Variants in NSUN6 observed in about 807,000 individuals in gnomAD.
The protein encoded by NSUN6 is tRNA (cytosine(72)-C(5))-methyltransferase NSUN6.
A neutral mutation model predicts 58.0 loss-of-function variants in NSUN6; 64 were observed. The ratio of observed to expected loss-of-function variants is 1.10; its 90% CI spans 0.90 to 1.36. NSUN6 has a LOEUF of 1.36. Ranked by LOEUF, NSUN6 falls within the 40% of genes most tolerant of loss-of-function variation. The probability of loss-of-function intolerance (pLI) is 0.00; values close to 1 mark genes in which losing one functional copy is unlikely to be tolerated. For missense variants in NSUN6, 701 were observed against 550.1 expected, an observed-to-expected ratio of 1.27 and a Z score of -2.74; for synonymous variants, 231 against 193.9, an observed-to-expected ratio of 1.19 and a Z score of -1.59.
chr10:18,638,081 A>T (rs1211705626), intron 3 of NSUN6, among the ~76,000 whole-genome samples: 1 of 152,236 alleles, frequency 6.6e-6, no homozygotes, highest in Non-Finnish European at 1.5e-5. Flanking sequence ...GAAAAACCTA[A>T]GTGAACTATC....
At chr10:18,619,955 T>G (rs1283666574) in intron 3 of NSUN6, among the ~76,000 whole-genome samples, 1 of 151,818 alleles carries the variant, frequency 6.6e-6, no homozygotes, top group Non-Finnish European at 1.5e-5. Flanking sequence ...AAACATCCCT[T>G]TTTTTTTAAA....
chr10:18,594,908 A>G (rs1239426304), intron 7 of NSUN6, among the ~76,000 whole-genome samples: 1 of 152,192 alleles, frequency 6.6e-6, no homozygotes, highest in African/African-American at 2.4e-5. Flanking sequence ...TCATGTAAGC[A>G]GAGGTTTTTT....
chr10:18,582,989 T>C (rs1282446899), intron 8 of NSUN6, among the ~76,000 whole-genome samples: 1 of 152,214 alleles, frequency 6.6e-6, no homozygotes, highest in Non-Finnish European at 1.5e-5. Context: ...TTATAACCCC[T>C]GTGACCTGCA....
intron 8 of NSUN6, among the ~76,000 whole-genome samples, chr10:18,578,510 T>G (rs2056766491): frequency 6.6e-6 from 1 of 152,126 alleles, no homozygotes; most frequent in Non-Finnish European, 1.5e-5. Context: ...TTTCTCTGGC[T>G]CAGGGGAAAG....
intron 8 of NSUN6, among the ~76,000 whole-genome samples, chr10:18,584,304 T>C (rs1183677676): frequency 6.6e-6 from 1 of 152,196 alleles, no homozygotes; most frequent in Non-Finnish European, 1.5e-5. Context: ...CCCCTTACCT[T>C]ATAAAAGTTT....
At chr10:18,644,775 G>C (rs894744128) in intron 2 of NSUN6, among the ~76,000 whole-genome samples, 6 of 151,368 alleles carry the variant, frequency 4.0e-5, no homozygotes, top group African/African-American at 1.2e-4. Context: ...AGGAGGTGGA[G>C]CTTGCAGTGA....
At chr10:18,621,701 T>C (rs528429692) in intron 3 of NSUN6, among the ~76,000 whole-genome samples, 24 of 152,214 alleles carry the variant, frequency 1.6e-4, no homozygotes, top group African/African-American at 4.6e-4. Flanking sequence ...TACACCTAGA[T>C]TGAGAGAAAA....
chr10:18,585,807 T>C (rs532257569), intron 8 of NSUN6, 142 bp downstream of exon 8: 16 of 481,992 alleles, frequency 3.3e-5, no homozygotes, highest in African/African-American at 4.9e-5. Context: ...ACCACAAGGA[T>C]AAGTACAGTG....
At chr10:18,618,243 A>G (rs558347341) in intron 3 of NSUN6, among the ~76,000 whole-genome samples, 13 of 152,368 alleles carry the variant, frequency 8.5e-5, no homozygotes, top group African/African-American at 9.6e-5. Context: ...ACTCTGAAGT[A>G]TGTAGACATG....
chr10:18,644,889 G>A (rs1316419792), intron 2 of NSUN6, among the ~76,000 whole-genome samples: 1 of 149,764 alleles, frequency 6.7e-6, no homozygotes, highest in Non-Finnish European at 1.5e-5. Context: ...CAGGCACGGT[G>A]GCTCACTCCT....
chr10:18,625,767 A>G (rs1331913804), intron 3 of NSUN6, among the ~76,000 whole-genome samples: 3 of 151,058 alleles, frequency 2.0e-5, no homozygotes, highest in Non-Finnish European at 4.4e-5. Flanking sequence ...ACTAAGAGGA[A>G]ATAATCAAAA....
intron 3 of NSUN6, among the ~76,000 whole-genome samples, chr10:18,621,765 G>A (rs2058614818): frequency 6.6e-6 from 1 of 152,126 alleles, no homozygotes; most frequent in Non-Finnish European, 1.5e-5. Flanking sequence ...CAGATTATGG[G>A]AATGTCCTGT....
intron 6 of NSUN6, among the ~76,000 whole-genome samples, chr10:18,600,146 T>C (rs935765326): frequency 3.3e-5 from 5 of 152,180 alleles, no homozygotes; most frequent in African/African-American, 7.2e-5. Flanking sequence ...AGCTTTTGTA[T>C]TGGCTGTTGG....
intron 8 of NSUN6, among the ~76,000 whole-genome samples, chr10:18,579,992 ATTT>A (rs2056834266): frequency 6.6e-6 from 1 of 151,956 alleles, no homozygotes; most frequent in South Asian, 2.1e-4. Context: ...CCCAAGATTT[ATTT>A]TCCTTTCGCA....
intron 3 of NSUN6, among the ~76,000 whole-genome samples, chr10:18,622,904 T>G (rs2058662709): frequency 6.6e-6 from 1 of 152,194 alleles, no homozygotes; most frequent in Non-Finnish European, 1.5e-5. Context: ...ATACAGAAAT[T>G]CTTTAAAATT....
intron 8 of NSUN6, among the ~76,000 whole-genome samples, chr10:18,579,405 C>T (rs1483489133): frequency 1.3e-5 from 2 of 151,472 alleles, no homozygotes; most frequent in Admixed American, 6.6e-5. Context: ...CTCCTGACGT[C>T]GTGATCCACC....
intron 3 of NSUN6, among the ~76,000 whole-genome samples, chr10:18,631,874 T>C (rs1248019736): frequency 6.6e-6 from 1 of 152,224 alleles, no homozygotes; most frequent in African/African-American, 2.4e-5. Flanking sequence ...AAGCTACCAA[T>C]GACTTTCTTC....
At chr10:18,561,756 T>C (rs892927717) in intron 8 of NSUN6, among the ~76,000 whole-genome samples, 2 of 144,516 alleles carry the variant, frequency 1.4e-5, no homozygotes, top group Non-Finnish European at 3.0e-5. Flanking sequence ...GAGAAAGGAA[T>C]AGAATATGGA....
chr10:18,599,173 G>A (rs564262347), intron 6 of NSUN6, among the ~76,000 whole-genome samples: 1 of 152,258 alleles, frequency 6.6e-6, no homozygotes, highest in South Asian at 2.1e-4. Flanking sequence ...AATGAGCTAG[G>A]ACTACAGGCG....
Sources: gnomAD v4.1 joint callset for allele counts (sites outside exome capture counted in the v4.1 genomes callset) on GRCh38, gnomAD v4.1.1 for gene constraint, MANE v1.5 for transcripts, NCBI Gene and HGNC (gene_info 2026-07-23, HGNC 2026-07-21) for gene names.